The following CRB1 variants were observed in gnomAD, a reference collection of about 807,000 sequenced individuals.
CRB1 encodes the protein crumbs cell polarity complex component 1, also known as protein crumbs homolog 1.
Under a neutral mutation model 120.0 loss-of-function variants are expected in CRB1, and 83 were observed. The observed-to-expected ratio is 0.69, with a 90% CI of 0.58 to 0.83. The LOEUF is 0.83. CRB1 is among the 40% of genes least tolerant of loss of function. CRB1 has a pLI of 0.00. For missense variants in CRB1, 1,699 were observed against 1,687.6 expected, an observed-to-expected ratio of 1.01 and a Z score of -0.12; for synonymous variants, 625 against 612.5, an observed-to-expected ratio of 1.02 and a Z score of -0.30.
intron 11 of CRB1, among the ~76,000 whole-genome samples, chr1:197,459,737 A>G (rs1368263339): frequency 2.0e-5 from 3 of 152,138 alleles, no homozygotes; most frequent in African/African-American, 4.8e-5. Flanking sequence ...GGATTTATCA[A>G]TAAAAACTCC....
chr1:197,208,396 C>G, the CRB1 span, among the ~76,000 whole-genome samples: 2 of 152,308 alleles, frequency 1.3e-5, no homozygotes, highest in African/African-American at 4.8e-5. Context: ...ATTCAGATTC[C>G]TCCATCCCAT....
At chr1:197,352,083 T>C (rs968849673) in intron 4 of CRB1, among the ~76,000 whole-genome samples, 2 of 152,176 alleles carry the variant, frequency 1.3e-5, no homozygotes, top group Non-Finnish European at 2.9e-5. Context: ...ATGCTTACTT[T>C]CAAAGATTTC....
the CRB1 span, among the ~76,000 whole-genome samples, chr1:197,236,119 C>T: frequency 6.6e-6 from 1 of 151,236 alleles, no homozygotes; most frequent in Non-Finnish European, 1.5e-5. Context: ...GATTATTAAT[C>T]ATACATATTG....
At chr1:197,281,762 G>A (rs1655535104) in intron 1 of CRB1, among the ~76,000 whole-genome samples, 2 of 151,732 alleles carry the variant, frequency 1.3e-5, no homozygotes, top group African/African-American at 4.8e-5. Flanking sequence ...TGATTTCCAG[G>A]CCCCTAGTTT....
At chr1:197,392,264 TAC>T (rs368565238) in intron 5 of CRB1, among the ~76,000 whole-genome samples, 6 of 151,212 alleles carry the variant, frequency 4.0e-5, no homozygotes, top group Non-Finnish European at 8.9e-5. Context: ...CACACACACA[TAC>T]ACACACACAC....
intron 11 of CRB1, among the ~76,000 whole-genome samples, chr1:197,468,088 A>T (rs1055196778): frequency 2.6e-5 from 4 of 152,166 alleles, no homozygotes; most frequent in African/African-American, 9.7e-5. Context: ...AATATCCCAG[A>T]ACCACAGGCA....
intron 1 of CRB1, among the ~76,000 whole-genome samples, chr1:197,322,857 C>A (rs1442617023): frequency 6.6e-6 from 1 of 152,088 alleles, no homozygotes; most frequent in African/African-American, 2.4e-5. Context: ...TCTTCCTTTT[C>A]ATTTGGATTT....
intron 1 of CRB1, among the ~76,000 whole-genome samples, chr1:197,278,306 C>A (rs1655332526): frequency 6.6e-6 from 1 of 151,852 alleles, no homozygotes; most frequent in South Asian, 2.1e-4. Flanking sequence ...ACCTATGAAC[C>A]AGAAGTTGGC....
intron 2 of CRB1, among the ~76,000 whole-genome samples, chr1:197,333,345 G>A (rs1658972676): frequency 1.3e-5 from 2 of 152,234 alleles, no homozygotes; most frequent in South Asian, 2.1e-4. Context: ...GAAGCTGAAA[G>A]TAAGTGGATG....
At chr1:197,431,166 T>C (rs1363909424) in intron 8 of CRB1, among the ~76,000 whole-genome samples, 2 of 152,158 alleles carry the variant, frequency 1.3e-5, no homozygotes, top group Non-Finnish European at 2.9e-5. Flanking sequence ...AATGACATAC[T>C]ATCTAGACTG....
the CRB1 span, among the ~76,000 whole-genome samples, chr1:197,248,801 T>C: frequency 6.6e-6 from 1 of 151,846 alleles, no homozygotes; most frequent in Admixed American, 6.6e-5. Flanking sequence ...AAGATTAAAC[T>C]CTGATACAGA....
chr1:197,415,610 T>G, intron 5 of CRB1, among the ~76,000 whole-genome samples: 1 of 146,358 alleles, frequency 6.8e-6, no homozygotes, highest in Middle Eastern at 3.4e-3. Context: ...TTTTTCTTTT[T>G]TCTTTTTTTT....
chr1:197,227,393 CTTTTTTT>C, the CRB1 span, among the ~76,000 whole-genome samples: 1,891 of 138,112 alleles, frequency 0.014, 47 homozygotes, highest in African/African-American at 0.047. Flanking sequence ...TTTTCTTTTT[CTTTTTTT>C]TTTTTTTTTT....
At chr1:197,436,217 T>G (rs1665154813) in intron 9 of CRB1, among the ~76,000 whole-genome samples, 1 of 152,118 alleles carries the variant, frequency 6.6e-6, no homozygotes, top group East Asian at 1.9e-4. Flanking sequence ...TCATATTCTG[T>G]CTTCTTACTA....
At chr1:197,246,336 T>C in the CRB1 span, among the ~76,000 whole-genome samples, 2 of 152,080 alleles carry the variant, frequency 1.3e-5, no homozygotes, top group African/African-American at 4.8e-5. Context: ...GTCTTTTTGC[T>C]AAGGAGAGGA....
chr1:197,441,840 C>A (rs1665457763), intron 10 of CRB1: 1 of 331,074 alleles, frequency 3.0e-6, no homozygotes, highest in South Asian at 3.1e-5. Context: ...AAGGTGGCAA[C>A]CACACTAATG....
rs748030327 is a variant in CRB1, at chr1:197,429,402, A to C, written c.2677-47A>C. 5 of 1,600,980 alleles carry C rather than the reference A, an allele frequency of 3.1e-6. No individual in the cohort carries two copies. The South Asian group carries it at 4.4e-5, about 14-fold the overall frequency. ...GTGGTTTCACCGTCAACATTTTTCT[A>C]TTTAGTTGCCAGTGCTTTTTATACC... is the stretch of plus-strand genomic sequence containing the variant. On this transcript the variant is annotated intron_variant, in intron 7 of 11. Transcript: ENST00000367400.
chr1:197,284,922 C>G (rs1655737340), intron 1 of CRB1, among the ~76,000 whole-genome samples: 1 of 151,856 alleles, frequency 6.6e-6, no homozygotes, highest in Non-Finnish European at 1.5e-5. Flanking sequence ...AAATTCCTTT[C>G]ACGTCAAATA....
At chr1:197,333,657 AT>A (rs1658989239) in intron 2 of CRB1, among the ~76,000 whole-genome samples, 1 of 152,236 alleles carries the variant, frequency 6.6e-6, no homozygotes, top group Non-Finnish European at 1.5e-5. Context: ...ACTATATTCA[AT>A]GTACTTTTCA....
Sources: gnomAD v4.1 joint callset for allele counts (sites outside exome capture counted in the v4.1 genomes callset) on GRCh38, gnomAD v4.1.1 for gene constraint, MANE v1.5 for transcripts, NCBI Gene and HGNC (gene_info 2026-07-23, HGNC 2026-07-21) for gene names.